Variants in PHLPP1 observed in about 807,000 individuals in gnomAD.
PHLPP1 encodes the protein PH domain and leucine rich repeat protein phosphatase 1, also known as PH domain leucine-rich repeat-containing protein phosphatase 1.
PHLPP1 carries 42 observed loss-of-function variants against 117.2 expected under a neutral mutation model. That is an observed-to-expected ratio of 0.36 (90% CI 0.28 to 0.46). The LOEUF is 0.46. PHLPP1 is among the 20% of genes least tolerant of loss of function. The pLI is 1.00. For missense variants in PHLPP1, 2,084 were observed against 2,241.9 expected (o/e 0.93, Z 1.42); for synonymous variants, 1,042 against 970.7 (o/e 1.07, Z -1.37).
At chr18:62,825,504 G>C (rs1914586478) in intron 1 of PHLPP1, 1 of 147,744 alleles carries the variant, frequency 6.8e-6, no homozygotes, top group African/African-American at 2.5e-5. Flanking sequence ...CATCTCCCAG[G>C]CTCTGGAGTG....
intron 6 of PHLPP1, among the ~76,000 whole-genome samples, chr18:62,898,006 T>C (rs984456685): frequency 7.0e-6 from 1 of 143,048 alleles, no homozygotes; most frequent in Non-Finnish European, 1.5e-5. Context: ...CATTAATAAT[T>C]CCTCCTCCCT....
intron 14 of PHLPP1, among the ~76,000 whole-genome samples, chr18:62,966,571 C>T (rs368060613): frequency 4.6e-5 from 7 of 150,788 alleles, no homozygotes; most frequent in East Asian, 3.9e-4. Flanking sequence ...CCCGGGTTCA[C>T]GCCATTCTCC....
At chr18:62,737,037 CG>C (rs1413521659) in intron 1 of PHLPP1, among the ~76,000 whole-genome samples, 4 of 152,028 alleles carry the variant, frequency 2.6e-5, no homozygotes, top group Non-Finnish European at 5.9e-5. Context: ...TGGGAGGTGA[CG>C]TTTACATAAA....
chr18:62,945,682 A>G (rs17070463), intron 12 of PHLPP1, among the ~76,000 whole-genome samples: 12,488 of 152,276 alleles, frequency 0.082, 1,671 homozygotes, highest in African/African-American at 0.28. Flanking sequence ...CAACTCACCC[A>G]GTTAAATAGC....
At chr18:62,874,171 C>T (rs986299709) in intron 4 of PHLPP1, among the ~76,000 whole-genome samples, 4 of 129,596 alleles carry the variant, frequency 3.1e-5, no homozygotes, top group East Asian at 2.3e-4. Context: ...GCAATCAGAA[C>T]GAAACTCTGT....
Position 62,920,011 on chromosome 18 carries a change from G to A in PHLPP1, c.2857G>A (p.Ala953Thr). 1 of 1,610,432 alleles carries A rather than the reference G, an allele frequency of 6.2e-7. No homozygotes were observed. Among genetic ancestry groups the A allele is most frequent in the East Asian group, 2.2e-5 (1 of 44,810 alleles). Residue 953 changes from alanine (A) to threonine (T), a missense_variant, in exon 10 of 17, where the codon GCA (alanine) becomes ACA (threonine). Ala to Thr is a moderately conservative substitution (Grantham distance 58). Around this residue, in one of 2 missense-constraint regions of PHLPP1, gnomAD observed 1,365 missense variants for 1,605.9 expected, o/e 0.85. Transcript: ENST00000262719. ...ACTACTGGCAGGACACAACCAGTTG[G>A]CAAGGCTGCCTGAAAGGCTAGAAAG... ...RKLLAGHNQL[A>T]RLPERLERTS... is the part of the protein sequence containing the mutation.
chr18:62,885,261 G>C (rs1254047270), intron 4 of PHLPP1, among the ~76,000 whole-genome samples: 1 of 152,102 alleles, frequency 6.6e-6, no homozygotes, highest in African/African-American at 2.4e-5. Flanking sequence ...TCCTGCCCTT[G>C]GATAAAAATG....
At chr18:62,854,607 G>C (rs548779937) in intron 3 of PHLPP1, among the ~76,000 whole-genome samples, 139 of 151,978 alleles carry the variant, frequency 9.1e-4, no homozygotes, top group African/African-American at 3.2e-3. Context: ...GAGATTAGAG[G>C]AGCCTCCCTT....
At chr18:62,748,418 T>G (rs573182537) in intron 1 of PHLPP1, among the ~76,000 whole-genome samples, 1 of 152,102 alleles carries the variant, frequency 6.6e-6, no homozygotes, top group Non-Finnish European at 1.5e-5. Flanking sequence ...CTAATTTTTT[T>G]AGTTTTTCCG....
At chr18:62,927,415 A>G (rs1472078315) in intron 10 of PHLPP1, among the ~76,000 whole-genome samples, 1 of 152,194 alleles carries the variant, frequency 6.6e-6, no homozygotes, top group Non-Finnish European at 1.5e-5. Context: ...GTGAAGCCTA[A>G]GAAAACTATA....
At chr18:62,964,616 C>T (rs944724483) in intron 14 of PHLPP1, among the ~76,000 whole-genome samples, 2 of 152,182 alleles carry the variant, frequency 1.3e-5, no homozygotes, top group Admixed American at 1.3e-4. Flanking sequence ...TGCCTCAGTT[C>T]TGCCTGGGCT....
intron 3 of PHLPP1, among the ~76,000 whole-genome samples, chr18:62,853,336 A>AT (rs914445109): frequency 6.7e-6 from 1 of 148,172 alleles, no homozygotes. Context: ...ATTAGCCTTA[A>AT]TTTTTTTTCT....
intron 16 of PHLPP1, among the ~76,000 whole-genome samples, chr18:62,977,868 T>A (rs1911237219): frequency 6.6e-6 from 1 of 152,196 alleles, no homozygotes; most frequent in South Asian, 2.1e-4. Context: ...CGATCCTTGA[T>A]CACCATGTTC....
At chr18:62,887,337 A>G (rs1305741416) in intron 4 of PHLPP1, among the ~76,000 whole-genome samples, 2 of 152,158 alleles carry the variant, frequency 1.3e-5, no homozygotes, top group Non-Finnish European at 2.9e-5. Context: ...GTCCCCTTCT[A>G]GTCTCATTTT....
chr18:62,761,438 C>T (rs1178862592), intron 1 of PHLPP1, among the ~76,000 whole-genome samples: 2 of 151,844 alleles, frequency 1.3e-5, no homozygotes, highest in Non-Finnish European at 2.9e-5. Context: ...CGAGACCATC[C>T]TGGCTAACAC....
intron 1 of PHLPP1, among the ~76,000 whole-genome samples, chr18:62,797,649 C>T (rs1913663934): frequency 6.6e-6 from 1 of 152,184 alleles, no homozygotes; most frequent in Non-Finnish European, 1.5e-5. Context: ...TATTTTCTTA[C>T]CGTTCTTCAA....
At chr18:62,750,751 CT>C (rs1445500750) in intron 1 of PHLPP1, among the ~76,000 whole-genome samples, 1 of 151,230 alleles carries the variant, frequency 6.6e-6, no homozygotes, top group African/African-American at 2.4e-5. Context: ...GGGTTCTCCA[CT>C]TTCTTCTGTG....
intron 1 of PHLPP1, among the ~76,000 whole-genome samples, chr18:62,782,157 G>A (rs546288251): frequency 1.3e-5 from 2 of 152,306 alleles, no homozygotes; most frequent in Admixed American, 1.3e-4. Flanking sequence ...ACACTTCGCT[G>A]CCTATTTCCT....
intron 1 of PHLPP1, among the ~76,000 whole-genome samples, chr18:62,776,648 G>C (rs1012616742): frequency 6.1e-5 from 9 of 148,148 alleles, no homozygotes; most frequent in African/African-American, 2.2e-4. Flanking sequence ...CTCACTCTGT[G>C]GCCCAGGCTG....
Sources: allele counts gnomAD v4.1 joint callset (sites outside exome capture counted in the v4.1 genomes callset), GRCh38; gene constraint gnomAD v4.1.1; regional missense constraint gnomAD v4.1.1; transcripts MANE v1.5; gene names NCBI Gene and HGNC (gene_info 2026-07-23, HGNC 2026-07-21).